Variants in OPRM1 observed in about 807,000 individuals in gnomAD.
OPRM1 encodes the protein opioid receptor mu 1.
OPRM1 carries 27 observed loss-of-function variants against 31.8 expected under a neutral mutation model. The observed-to-expected ratio is 0.85, with a 90% CI of 0.63 to 1.17. The LOEUF is 1.17. Among genes scored for constraint, OPRM1 ranks in the 50% most tolerant of loss-of-function variants. OPRM1 has a pLI of 0.00. For missense variants in OPRM1, 536 were observed against 511.1 expected (o/e 1.05, Z -0.47); for synonymous variants, 196 against 189.9 (o/e 1.03, Z -0.26).
intron 1 of OPRM1, chr6:154,087,685 C>A: frequency 1.4e-6 from 1 of 730,510 alleles, no homozygotes; most frequent in Non-Finnish European, 1.7e-6. Flanking sequence ...CACCATGGCC[C>A]CGGTCACTAA....
At position 154,120,247 on chromosome 6, in the gene OPRM1, C is replaced by T. The variant is rs9282810; in HGVS notation, c.*1526C>T. 2.6e-5 allele frequency among the ~76,000 whole-genome samples: 4 copies of T among 152,194 alleles called. No homozygotes were observed. Among genetic ancestry groups the T allele is most frequent in the African/African-American group, 9.6e-5 (4 of 41,522 alleles). On this transcript the variant is annotated 3_prime_UTR_variant, in exon 4 of 4. Coordinates refer to ENST00000330432, the MANE Select transcript of OPRM1 (RefSeq NM_000914.5). ...ATTTTTTCATCAATCTGACAAGGCA[C>T]AAATATGTGCCAGATATACAAAAGC...
intron 3 of OPRM1, among the ~76,000 whole-genome samples, chr6:154,182,778 C>T (rs955502772): frequency 1.3e-5 from 2 of 152,004 alleles, no homozygotes; most frequent in African/African-American, 4.8e-5. Context: ...CACCATAACC[C>T]GCTGGATCCA....
At chr6:154,110,449 G>T (rs1583591643) in intron 3 of OPRM1, 1 of 1,355,070 alleles carries the variant, frequency 7.4e-7, no homozygotes. Context: ...TATAAGATTG[G>T]AAGCCAGAGA....
intron 3 of OPRM1, among the ~76,000 whole-genome samples, chr6:154,222,539 T>C (rs1181794051): frequency 6.6e-6 from 1 of 152,152 alleles, no homozygotes. Context: ...GAGGAGCACT[T>C]GAATGAGAGT....
In OPRM1 at chr6:154,061,508, TG is replaced by T. The variant is rs1438237464; in HGVS notation, c.290+21675del. ...GCAGCCATAAAAAAGAATGAAATCA[TG>T]TCCTTTGCAGCAACATGGATGCAGC... On this transcript the variant is annotated intron_variant, in intron 1 of 3. Coordinates refer to ENST00000330432, the MANE Select transcript of OPRM1 (RefSeq NM_000914.5). 2.6e-5 allele frequency among the ~76,000 whole-genome samples: 4 copies of T among 152,236 alleles called. No homozygotes were observed. The Middle Eastern group carries it at 0.01, about 388-fold the overall frequency.
At chr6:154,178,966 C>A (rs973967731) in intron 3 of OPRM1, among the ~76,000 whole-genome samples, 5 of 152,174 alleles carry the variant, frequency 3.3e-5, no homozygotes, top group Admixed American at 2.6e-4. Flanking sequence ...CCCTTATTGG[C>A]TGTTTTGTGT....
chr6:154,194,743 C>A (rs1458015249), intron 3 of OPRM1, among the ~76,000 whole-genome samples: 2 of 152,140 alleles, frequency 1.3e-5, no homozygotes, highest in East Asian at 3.9e-4. Context: ...TTAAATCACA[C>A]AAATCTGCAG....
upstream of OPRM1, chr6:154,038,966 G>T (rs937350745): frequency 1.8e-6 from 1 of 566,440 alleles, no homozygotes; most frequent in Non-Finnish European, 2.9e-6. Flanking sequence ...AATCAAAATT[G>T]GCAGTAGGGA....
At chr6:154,083,149 C>T (rs533871739) in intron 1 of OPRM1, among the ~76,000 whole-genome samples, 7 of 152,270 alleles carry the variant, frequency 4.6e-5, no homozygotes, top group South Asian at 2.1e-4. Flanking sequence ...AAGTATCTCT[C>T]GTTCCATTTC....
rs1462495825 is a variant in OPRM1 at position 154,057,401 on chromosome 6, CTT to C, written c.290+17569_290+17570del. ...CCAAGAATAGGACTATAATAACTGACTTTGTGTTCTTTCCATCACAGTATCAG... is the reference window on the plus strand; with the variant it reads ...CCAAGAATAGGACTATAATAACTGACTGTGTTCTTTCCATCACAGTATCAG... On this transcript the variant is annotated intron_variant, in intron 1 of 3. Coordinates refer to ENST00000330432, the MANE Select transcript of OPRM1 (RefSeq NM_000914.5). 6.6e-5 allele frequency among the ~76,000 whole-genome samples: 10 copies of C among 152,146 alleles called. No homozygotes were observed. In the East Asian group the frequency reaches 1.9e-3, roughly 29 times the overall value.
chr6:154,067,952 G>A (rs1785808779), intron 1 of OPRM1, among the ~76,000 whole-genome samples: 1 of 151,894 alleles, frequency 6.6e-6, no homozygotes, highest in Non-Finnish European at 1.5e-5. Flanking sequence ...AATAATACTA[G>A]CATTTATAAT....
At chr6:154,096,509 C>G (rs370011008) in intron 3 of OPRM1, among the ~76,000 whole-genome samples, 84 of 152,026 alleles carry the variant, frequency 5.5e-4, no homozygotes, top group African/African-American at 2.0e-3. Context: ...CCATTACTTT[C>G]AATGGCAAAA....
Position 154,095,933 on chromosome 6 carries a change from G to T in OPRM1, c.1164+4461G>T, listed in dbSNP as rs193168169. ...TTCAAACCCTTCCCTTGTTTATTTC[G>T]ATCACTTCAGGTTCAACTCAAACCT... On this transcript the variant is annotated intron_variant, in intron 3 of 3. Coordinates refer to ENST00000330432, the MANE Select transcript of OPRM1 (RefSeq NM_000914.5). Among the ~76,000 whole-genome samples the T allele has an allele frequency of 9.9e-5, 15 of 152,124 alleles. No individual in the cohort carries two copies. The South Asian group carries it at 1.2e-3, about 13-fold the overall frequency.
chr6:154,191,528 G>T (rs1182873229), intron 3 of OPRM1, among the ~76,000 whole-genome samples: 1 of 151,994 alleles, frequency 6.6e-6, no homozygotes. Context: ...ACAAAAATTA[G>T]CTGGGCATGG....
intron 3 of OPRM1, among the ~76,000 whole-genome samples, chr6:154,195,067 C>T (rs1776480187): frequency 6.6e-6 from 1 of 152,072 alleles, no homozygotes; most frequent in Non-Finnish European, 1.5e-5. Flanking sequence ...TATGCAGGCT[C>T]CCTAAACCTT....
At chr6:154,103,222 G>A (rs956226897) in intron 3 of OPRM1, among the ~76,000 whole-genome samples, 1 of 152,056 alleles carries the variant, frequency 6.6e-6, no homozygotes, top group African/African-American at 2.4e-5. Context: ...GAAAATGAGG[G>A]TAAAGAAATA....
In OPRM1 at chr6:154,129,710, C is replaced by G. The variant is rs979199983; in HGVS notation, c.*10989C>G. ...GTTCAAGGTCTGATGAGCTCCCAGA[C>G]TGTTGGGGATTGCTCTACAGCTGCT... On this transcript the variant is annotated 3_prime_UTR_variant, in exon 4 of 4. Coordinates refer to ENST00000330432, the MANE Select transcript of OPRM1 (RefSeq NM_000914.5). Among the ~76,000 whole-genome samples, 12 of 152,166 alleles carry G rather than the reference C, an allele frequency of 7.9e-5. No homozygotes were observed. Among genetic ancestry groups the G allele is most frequent in the Admixed American group, 5.9e-4 (9 of 15,278 alleles).
At chr6:154,095,203 A>G (rs1381843667) in intron 3 of OPRM1, among the ~76,000 whole-genome samples, 1 of 152,254 alleles carries the variant, frequency 6.6e-6, no homozygotes, top group East Asian at 1.9e-4. Context: ...AGACAGGAGA[A>G]TCGCTTGAAC....
At chr6:154,090,268 C>T in intron 2 of OPRM1, 90 bp downstream of exon 2, 1 of 813,590 alleles carries the variant, frequency 1.2e-6, no homozygotes, top group Non-Finnish European at 2.0e-6. Flanking sequence ...TGGAGTGCCC[C>T]ATTGTCTTAG....
Sources: gnomAD v4.1 joint callset for allele counts (sites outside exome capture counted in the v4.1 genomes callset) on GRCh38, gnomAD v4.1.1 for gene constraint, MANE v1.5 for transcripts, NCBI Gene and HGNC (gene_info 2026-07-23, HGNC 2026-07-21) for gene names.